The following DLGAP1 variants were observed in gnomAD, a reference collection of about 807,000 sequenced individuals.
DLGAP1 encodes the protein DLG associated protein 1.
A neutral mutation model predicts 90.8 loss-of-function variants in DLGAP1; 11 were observed. The observed-to-expected ratio is 0.12, with a 90% CI of 0.08 to 0.20. The LOEUF (loss-of-function observed/expected upper bound fraction) is 0.20. Among genes scored for constraint, DLGAP1 ranks in the 10% least tolerant of loss-of-function variants. The pLI, the probability that DLGAP1 is intolerant of heterozygous loss-of-function variation, is 1.00. For missense variants in DLGAP1, 1,050 were observed against 1,333.8 expected, an observed-to-expected ratio of 0.79 and a Z score of 3.31; for synonymous variants, 558 against 540.7, an observed-to-expected ratio of 1.03 and a Z score of -0.44.
At chr18:3,813,338 G>A (rs1414024034) in intron 5 of DLGAP1, among the ~76,000 whole-genome samples, 1 of 152,156 alleles carries the variant, frequency 6.6e-6, no homozygotes, top group Admixed American at 6.5e-5. Context: ...TGCAACTTAG[G>A]AGCAATAGGC....
chr18:3,767,106 A>C lies in DLGAP1; in HGVS notation c.1173-24594T>G, dbSNP rs772396726. On this transcript the variant is annotated intron_variant, in intron 5 of 12. Coordinates refer to ENST00000315677, the MANE Select transcript of DLGAP1 (RefSeq NM_004746.4). The stretch of plus-strand genomic sequence containing the variant: ...GAATATCACTAGAGATTCTGCAGGT[A>C]TAAAGGGATACTATGAACAACTGTA... 5.3e-5 allele frequency among the ~76,000 whole-genome samples: 8 copies of C among 152,276 alleles called. No homozygotes were observed. The South Asian group carries it at 1.2e-3, about 24-fold the overall frequency.
chr18:4,187,655 T>C (rs558338616), intron 1 of DLGAP1, among the ~76,000 whole-genome samples: 1 of 152,274 alleles, frequency 6.6e-6, no homozygotes, highest in Non-Finnish European at 1.5e-5. Context: ...AGTTATCTTA[T>C]TGAAAATTTG....
chr18:3,613,935 T>G (rs2057740801), intron 7 of DLGAP1, among the ~76,000 whole-genome samples: 1 of 151,950 alleles, frequency 6.6e-6, no homozygotes, highest in African/African-American at 2.4e-5. Flanking sequence ...TTACTTTTTT[T>G]TTTTTGAGAT....
chr18:3,660,969 G>T lies in DLGAP1; in HGVS notation c.1591+68166C>A, dbSNP rs560473164. Among the ~76,000 whole-genome samples the T allele has an allele frequency of 6.6e-6, 1 of 152,324 alleles. No individual in the cohort carries two copies. Among genetic ancestry groups the T allele is most frequent in the East Asian group, 1.9e-4 (1 of 5,192 alleles). ...CAATAGAGAAAGAGGAACTAAAAAAGAACTTCAGCCTTTAATATCCTTTTT... is the reference window on the plus strand; with the variant it reads ...CAATAGAGAAAGAGGAACTAAAAAATAACTTCAGCCTTTAATATCCTTTTT... On this transcript the variant is annotated intron_variant, in intron 7 of 12. Transcript: ENST00000315677. This position sits in a 1 kb window ranked among gnomAD's most constrained non-coding sequence, Gnocchi z 4.2.
intron 2 of DLGAP1, among the ~76,000 whole-genome samples, chr18:4,064,403 T>A (rs2075341795): frequency 6.6e-6 from 1 of 150,612 alleles, no homozygotes; most frequent in Non-Finnish European, 1.5e-5. Flanking sequence ...GATCAATGAA[T>A]CCACGAGATT....
chr18:4,379,694 A>C (rs1313826271), intron 1 of DLGAP1, among the ~76,000 whole-genome samples: 1 of 152,160 alleles, frequency 6.6e-6, no homozygotes, highest in East Asian at 1.9e-4. Context: ...AAAGTGTTGT[A>C]TTTCTTCAAT....
intron 3 of DLGAP1, chr18:3,896,706 C>T (rs1568286259): frequency 6.6e-6 from 1 of 152,346 alleles, no homozygotes; most frequent in Non-Finnish European, 1.5e-5. Flanking sequence ...GTCTCTTTGA[C>T]CTTCTCCCAG....
chr18:3,810,634 TC>T (rs2066785878), intron 5 of DLGAP1, among the ~76,000 whole-genome samples: 1 of 152,182 alleles, frequency 6.6e-6, no homozygotes, highest in Admixed American at 6.5e-5. Flanking sequence ...ATCTTTTTTC[TC>T]ATAAGGGACT....
At chr18:3,979,779 A>T (rs1599260273) in intron 3 of DLGAP1, among the ~76,000 whole-genome samples, 1 of 152,238 alleles carries the variant, frequency 6.6e-6, no homozygotes, top group East Asian at 1.9e-4. Flanking sequence ...TCTATGATGT[A>T]TACATAGATC....
At chr18:4,050,784 A>C (rs1305502238) in intron 2 of DLGAP1, among the ~76,000 whole-genome samples, 1 of 152,248 alleles carries the variant, frequency 6.6e-6, no homozygotes, top group Non-Finnish European at 1.5e-5. Flanking sequence ...GGAGGTAGAA[A>C]GATGAAATCA....
rs969664330 is a variant in DLGAP1, at chr18:4,265,690, T to C, written c.-266-114403A>G. Among the ~76,000 whole-genome samples, 6 of 120,476 alleles carry C rather than the reference T, an allele frequency of 5.0e-5. 1 individual carries two copies. The highest frequency in any genetic ancestry group is 1.4e-4 in the African/African-American group (4 of 29,480). 79.0% of individuals were successfully genotyped at this position (120,476 alleles called of 152,430 possible). ...CTTCCTTCCTTCCTTCCTTCCTTCC[T>C]TCCTTCCTTCCCTCCTCTCTTCAGT... On this transcript the variant is annotated intron_variant, in intron 1 of 12. Coordinates refer to ENST00000315677, the MANE Select transcript of DLGAP1 (RefSeq NM_004746.4).
chr18:4,415,137 CAA>C (rs2082868042), intron 1 of DLGAP1, among the ~76,000 whole-genome samples: 1 of 151,882 alleles, frequency 6.6e-6, no homozygotes, highest in Admixed American at 6.6e-5. Context: ...GAATTTAAAT[CAA>C]ATACTGTTTC....
intron 7 of DLGAP1, among the ~76,000 whole-genome samples, chr18:3,590,847 C>T (rs1437158538): frequency 1.3e-5 from 2 of 151,682 alleles, no homozygotes; most frequent in Non-Finnish European, 2.9e-5. Context: ...GCACTCCAGC[C>T]TGGGCAACAA....
intron 1 of DLGAP1, among the ~76,000 whole-genome samples, chr18:4,188,333 G>A (rs1019758830): frequency 6.6e-6 from 1 of 151,830 alleles, no homozygotes; most frequent in African/African-American, 2.4e-5. Context: ...TTTAAGTTCC[G>A]GGATACATGT....
chr18:3,815,571 A>C (rs181423310), intron 4 of DLGAP1, among the ~76,000 whole-genome samples: 153 of 152,294 alleles, frequency 1.0e-3, no homozygotes, highest in Non-Finnish European at 1.7e-3. Context: ...TGGATACCAC[A>C]ACAAAATCAT....
At chr18:4,453,173 C>G (rs1467755068) in intron 1 of DLGAP1, among the ~76,000 whole-genome samples, 1 of 152,120 alleles carries the variant, frequency 6.6e-6, no homozygotes, top group East Asian at 1.9e-4. Flanking sequence ...AGTACTAAAT[C>G]TAAAGGAAAT....
At chr18:3,547,927 GTAC>G (rs2144737730) in intron 9 of DLGAP1, among the ~76,000 whole-genome samples, 1 of 152,272 alleles carries the variant, frequency 6.6e-6, no homozygotes, top group Admixed American at 6.5e-5. Context: ...AAGGAATTAA[GTAC>G]TAACACATGC....
intron 2 of DLGAP1, among the ~76,000 whole-genome samples, chr18:4,089,487 T>G (rs1269089818): frequency 6.6e-6 from 1 of 152,164 alleles, no homozygotes; most frequent in South Asian, 2.1e-4. Context: ...AGGGCCCATA[T>G]AGCCAAGACA....
intron 3 of DLGAP1, among the ~76,000 whole-genome samples, chr18:3,985,948 A>T (rs1278940664): frequency 6.6e-6 from 1 of 152,184 alleles, no homozygotes; most frequent in Non-Finnish European, 1.5e-5. Context: ...TGCCTTTGAC[A>T]TGGGGAATCT....
Sources: allele counts gnomAD v4.1 joint callset (sites outside exome capture counted in the v4.1 genomes callset), GRCh38; gene constraint gnomAD v4.1.1; non-coding constraint Gnocchi (gnomAD v3.1); transcripts MANE v1.5; gene names NCBI Gene and HGNC (gene_info 2026-07-23, HGNC 2026-07-21).